The following RAI1 variants were observed in gnomAD, a reference collection of about 807,000 sequenced individuals.
RAI1 encodes the protein retinoic acid-induced protein 1.
A neutral mutation model predicts 123.8 loss-of-function variants in RAI1; 9 were observed. The observed-to-expected ratio is 0.07, with a 90% CI of 0.04 to 0.13. The LOEUF is 0.13. RAI1 is among the 10% of genes least tolerant of loss of function. The probability of loss-of-function intolerance (pLI) is 1.00; values close to 1 mark genes in which losing one functional copy is unlikely to be tolerated. For synonymous variants in RAI1, 1,231 were observed against 1,127.3 expected (o/e 1.09, Z -1.84); for missense variants, 2,256 against 2,545.8 (o/e 0.89, Z 2.45).
At chr17:17,768,205 C>T (rs1449884382) in intron 2 of RAI1, among the ~76,000 whole-genome samples, 3 of 152,076 alleles carry the variant, frequency 2.0e-5, no homozygotes, top group Non-Finnish European at 4.4e-5. Flanking sequence ...GCACCTGGTC[C>T]CATGGTCTAG....
At chr17:17,700,581 G>A (rs1312324929) in intron 1 of RAI1, among the ~76,000 whole-genome samples, 1 of 152,122 alleles carries the variant, frequency 6.6e-6, no homozygotes, top group Non-Finnish European at 1.5e-5. Context: ...GCAGCTGCGC[G>A]CCGGCCGGGA....
chr17:17,700,643 A>C (rs186798785), intron 1 of RAI1, among the ~76,000 whole-genome samples: 2,129 of 152,020 alleles, frequency 0.014, 53 homozygotes, highest in African/African-American at 0.048. Context: ...AGGGGATGGG[A>C]GAGAAGAGGA....
chr17:17,748,393 G>A (rs1181151151), intron 2 of RAI1, among the ~76,000 whole-genome samples: 1 of 152,246 alleles, frequency 6.6e-6, no homozygotes, highest in African/African-American at 2.4e-5. Flanking sequence ...TGAAGGAGGT[G>A]CTGCTCCGAG....
chr17:17,729,614 C>T (rs916879905), intron 2 of RAI1, among the ~76,000 whole-genome samples: 9 of 152,204 alleles, frequency 5.9e-5, no homozygotes, highest in African/African-American at 2.2e-4. Flanking sequence ...CCGGAGAGGA[C>T]TGACAAGAGA....
At chr17:17,775,644 T>G (rs991449270) in intron 2 of RAI1, among the ~76,000 whole-genome samples, 3 of 152,272 alleles carry the variant, frequency 2.0e-5, no homozygotes, top group Admixed American at 2.0e-4. Flanking sequence ...TCGAATCTAT[T>G]TACTAGTCAT....
chr17:17,755,646 G>A (rs1024569809), intron 2 of RAI1, among the ~76,000 whole-genome samples: 14 of 152,156 alleles, frequency 9.2e-5, no homozygotes, highest in Non-Finnish European at 1.8e-4. Flanking sequence ...GCAGGGGTGC[G>A]TCCCCCCAGA....
chr17:17,758,606 C>A (rs1315859002), intron 2 of RAI1, among the ~76,000 whole-genome samples: 1 of 152,236 alleles, frequency 6.6e-6, no homozygotes, highest in Non-Finnish European at 1.5e-5. Context: ...TCTCTGCAGG[C>A]AGTATCTGGG....
intron 3 of RAI1, among the ~76,000 whole-genome samples, 158 bp downstream of exon 3, chr17:17,798,671 G>GT (rs1884494012): frequency 1.3e-5 from 2 of 152,158 alleles, no homozygotes; most frequent in Non-Finnish European, 2.9e-5. Flanking sequence ...TGGGGTGTGT[G>GT]GGGGAAGTGG....
chr17:17,708,388 T>A (rs2142900172), intron 1 of RAI1, among the ~76,000 whole-genome samples: 1 of 150,636 alleles, frequency 6.6e-6, no homozygotes, highest in Middle Eastern at 3.4e-3. Flanking sequence ...CACCTTCCTG[T>A]CCTCTCTTCT....
At chr17:17,705,971 T>TTGA (rs1567835731) in intron 1 of RAI1, among the ~76,000 whole-genome samples, 1 of 141,894 alleles carries the variant, frequency 7.0e-6, no homozygotes, top group Non-Finnish European at 1.5e-5. Context: ...TTGCAGTGAG[T>TTGA]TGAGATCGCA....
rs905752778 is a variant in RAI1, at chr17:17,809,787, G to T, written c.5710-183G>T. On this transcript the variant is annotated intron_variant, in intron 5 of 5. Coordinates refer to ENST00000353383, the MANE Select transcript of RAI1 (RefSeq NM_030665.4). This position sits in a 1 kb window ranked among gnomAD's most constrained non-coding sequence, Gnocchi z 4.9. ...GTGGCACGGAGCTGAAGGCGAAGGT[G>T]AAGGTGAAGCTGGACGGGGTGGGGC... 5.3e-5 allele frequency among the ~76,000 whole-genome samples: 8 copies of T among 152,146 alleles called. No homozygotes were observed. The highest frequency in any genetic ancestry group is 1.9e-4 in the African/African-American group (8 of 41,440).
chr17:17,732,939 G>A (rs2142952008), intron 2 of RAI1, among the ~76,000 whole-genome samples: 1 of 152,292 alleles, frequency 6.6e-6, no homozygotes, highest in African/African-American at 2.4e-5. Context: ...GCGCTGTTTG[G>A]CCAGCCCAGG....
Position 17,714,160 on chromosome 17 carries a change from T to C in RAI1, c.-148-9868T>C, listed in dbSNP as rs1329629590. Among the ~76,000 whole-genome samples, 1 of 152,136 alleles carries C rather than the reference T, an allele frequency of 6.6e-6. No homozygotes were observed. Among genetic ancestry groups the C allele is most frequent in the African/African-American group, 2.4e-5 (1 of 41,428 alleles). On this transcript the variant is annotated intron_variant, in intron 1 of 5. Transcript: ENST00000353383. This position sits in a 1 kb window ranked among gnomAD's most constrained non-coding sequence, Gnocchi z 4.9. ...GCCTGCTAGCAAGCTCTTCCTTATA[T>C]GGAGGTGAAATCTGTCTTCCTGTTG...
chr17:17,794,685 G>C lies in RAI1; in HGVS notation c.1737G>C (p.Leu579=). ...CCTTCCAGAGCCTACACGGCAGTCT[G>C]CCGCTCGACAGCTTCTCCAAGTTCG... The part of the protein sequence containing the change: ...DDSFQSLHGS[L]PLDSFSKFVA... Residue 579 remains leucine (L), a synonymous_variant, in exon 3 of 6, where the codon CTG becomes CTC. Coordinates refer to ENST00000353383, the MANE Select transcript of RAI1 (RefSeq NM_030665.4). The C allele has an allele frequency of 6.2e-7, 1 of 1,612,882 alleles. No individual in the cohort carries two copies. The highest frequency in any genetic ancestry group is 1.7e-5 in the Admixed American group (1 of 60,036).
At chr17:17,703,071 G>A (rs1025521376) in intron 1 of RAI1, among the ~76,000 whole-genome samples, 4 of 152,192 alleles carry the variant, frequency 2.6e-5, no homozygotes, top group Admixed American at 6.5e-5. Context: ...GGATGATTGG[G>A]GCAGTAAGCA....
chr17:17,757,130 C>T (rs764615421), intron 2 of RAI1, among the ~76,000 whole-genome samples: 1 of 152,150 alleles, frequency 6.6e-6, no homozygotes, highest in African/African-American at 2.4e-5. Context: ...CCAGGGAGAG[C>T]TCTTGGCTCC....
intron 3 of RAI1, among the ~76,000 whole-genome samples, chr17:17,802,781 C>A (rs1417633857): frequency 4.0e-5 from 6 of 149,392 alleles, no homozygotes; most frequent in African/African-American, 1.5e-4. Flanking sequence ...ATCTCAAAAG[C>A]AAAAGAAAAA....
rs781595760 is a variant in RAI1 at position 17,794,307 on chromosome 17, G to A, written c.1359G>A (p.Leu453=). Residue 453 remains leucine (L), a synonymous_variant, in exon 3 of 6, where the codon CTG becomes CTA. Transcript: ENST00000353383. ...TCTCCAACACCGTCCAGCAGCTGCT[G>A]CTCTCCAAGGCTGCTGTGCCGCAGA... ...ENISNTVQQL[L]LSKAAVPQKK... The A allele has an allele frequency of 4.3e-6, 7 of 1,613,082 alleles. No individual in the cohort carries two copies. Among genetic ancestry groups the A allele is most frequent in the Non-Finnish European group, 5.9e-6 (7 of 1,180,034 alleles).
At chr17:17,712,983 G>C (rs190859348) in intron 1 of RAI1, among the ~76,000 whole-genome samples, 2 of 151,998 alleles carry the variant, frequency 1.3e-5, no homozygotes, top group South Asian at 4.1e-4. Flanking sequence ...GCCAGGGGCT[G>C]GGGGTGGGGA....
Sources: allele counts gnomAD v4.1 joint callset (sites outside exome capture counted in the v4.1 genomes callset), GRCh38; gene constraint gnomAD v4.1.1; non-coding constraint Gnocchi (gnomAD v3.1); transcripts MANE v1.5; gene names NCBI Gene and HGNC (gene_info 2026-07-23, HGNC 2026-07-21).